Variants in CREB5 observed in about 807,000 individuals in gnomAD.
CREB5 encodes the protein cyclic AMP-responsive element-binding protein 5.
CREB5 carries 19 observed loss-of-function variants against 57.1 expected under a neutral mutation model. The ratio of observed to expected loss-of-function variants is 0.33; its 90% confidence interval spans 0.23 to 0.49. The LOEUF is 0.49. Ranked by LOEUF, CREB5 falls within the 20% of genes least tolerant of loss-of-function variation. CREB5 has a pLI of 0.99. For synonymous variants in CREB5, 238 were observed against 238.3 expected (o/e 1.00, Z 0.01); for missense variants, 579 against 671.6 (o/e 0.86, Z 1.52).
chr7:28,816,867 C>A (rs1196534763), intron 9 of CREB5, among the ~76,000 whole-genome samples: 1 of 152,160 alleles, frequency 6.6e-6, no homozygotes, highest in South Asian at 2.1e-4. Context: ...CACAAATAAA[C>A]CTTGACCAAA....
chr7:28,693,052 G>A (rs1801356092), intron 5 of CREB5, among the ~76,000 whole-genome samples: 1 of 152,210 alleles, frequency 6.6e-6, no homozygotes, highest in African/African-American at 2.4e-5. Context: ...TGGGACAGTA[G>A]TTAGACAATA....
intron 1 of CREB5, among the ~76,000 whole-genome samples, chr7:28,367,561 G>A (rs902680148): frequency 6.8e-4 from 103 of 152,272 alleles, no homozygotes; most frequent in African/African-American, 2.4e-5. Context: ...TGTAATCCCA[G>A]CACTTTGGGA....
chr7:28,505,366 T>A (rs578102033), intron 3 of CREB5, among the ~76,000 whole-genome samples: 2 of 152,362 alleles, frequency 1.3e-5, no homozygotes, highest in East Asian at 1.9e-4. Flanking sequence ...CTGTTACTTA[T>A]GTTCCCATTT....
intron 7 of CREB5, among the ~76,000 whole-genome samples, chr7:28,784,495 T>A (rs75317469): frequency 9.6e-6 from 1 of 103,932 alleles, no homozygotes. Flanking sequence ...AGCTATAGGA[T>A]TTTTTTTTCC....
chr7:28,823,712 A>C lies in CREB5; in HGVS notation c.*4433A>C, dbSNP rs556323217. 6.6e-6 allele frequency: 1 copy of C among 152,424 alleles called. No individual in the cohort carries two copies. Among genetic ancestry groups the C allele is most frequent in the African/African-American group, 2.4e-5 (1 of 41,576 alleles). The allele number at this position is 152,424 out of a possible 1,614,324, so 9.4% of individuals were successfully genotyped here. A position where few individuals can be genotyped will look rare whatever the true frequency, so the allele number is the denominator to read the frequency against. Reference sequence around the variant, plus strand: ...CTTGTAGAAGTGTAAAAACAGCTTCATCTCTGCCTCTCTCCACCCCACCCC... The same window carrying C: ...CTTGTAGAAGTGTAAAAACAGCTTCCTCTCTGCCTCTCTCCACCCCACCCC... On this transcript the variant is annotated 3_prime_UTR_variant, in exon 11 of 11. Transcript: ENST00000357727.
chr7:28,690,162 T>C (rs1244484891), intron 5 of CREB5, among the ~76,000 whole-genome samples: 1 of 152,118 alleles, frequency 6.6e-6, no homozygotes, highest in Non-Finnish European at 1.5e-5. Flanking sequence ...TGACTGTGTT[T>C]TACCTTCCCT....
intron 3 of CREB5, among the ~76,000 whole-genome samples, chr7:28,500,414 C>A (rs1583544031): frequency 6.6e-6 from 1 of 152,310 alleles, no homozygotes; most frequent in East Asian, 1.9e-4. Flanking sequence ...TGAAGAGAGG[C>A]AGGAAAGACT....
intron 5 of CREB5, among the ~76,000 whole-genome samples, chr7:28,620,660 C>T (rs1034716112): frequency 1.5e-4 from 23 of 152,138 alleles, no homozygotes; most frequent in African/African-American, 5.3e-4. Context: ...GCCTCAGGCT[C>T]GCCCCATTTT....
intron 5 of CREB5, among the ~76,000 whole-genome samples, chr7:28,607,793 G>T (rs1043099266): frequency 8.1e-6 from 1 of 123,002 alleles, no homozygotes; most frequent in African/African-American, 3.2e-5. Context: ...GTGTGTGTGT[G>T]TTTTACCATG....
intron 8 of CREB5, among the ~76,000 whole-genome samples, chr7:28,807,825 G>C (rs1808836896): frequency 1.3e-5 from 2 of 152,122 alleles, no homozygotes; most frequent in South Asian, 2.1e-4. Context: ...AATGAAGAAG[G>C]AGGAAGGAGT....
chr7:28,671,492 G>A (rs1045711879), intron 5 of CREB5, among the ~76,000 whole-genome samples: 1 of 152,184 alleles, frequency 6.6e-6, no homozygotes, highest in Admixed American at 6.5e-5. Context: ...TAATTTTTCA[G>A]ACTGGGGAGA....
At chr7:28,686,345 C>G (rs569696879) in intron 5 of CREB5, 6 of 643,238 alleles carry the variant, frequency 9.3e-6, no homozygotes, top group Admixed American at 2.6e-5. Flanking sequence ...TTCTCCTCTT[C>G]TTCCTTCTCC....
chr7:28,410,234 G>A (rs1175259440), upstream of CREB5: 1 of 454,360 alleles, frequency 2.2e-6, no homozygotes, highest in Non-Finnish European at 4.4e-6. Context: ...AGAGCGGCGA[G>A]GCTCCGTCCG....
intron 1 of CREB5, among the ~76,000 whole-genome samples, chr7:28,331,878 T>C (rs189709378): frequency 6.6e-6 from 1 of 150,740 alleles, no homozygotes; most frequent in African/African-American, 2.4e-5. Context: ...GCTTCTTTCA[T>C]ATCTTATTTT....
chr7:28,371,361 C>T (rs1786701022), intron 1 of CREB5, among the ~76,000 whole-genome samples: 2 of 152,004 alleles, frequency 1.3e-5, no homozygotes, highest in Non-Finnish European at 2.9e-5. Flanking sequence ...TGGTGGCAGG[C>T]ACCTGTAATC....
intron 4 of CREB5, among the ~76,000 whole-genome samples, chr7:28,540,387 TTAGA>T (rs1794158261): frequency 1.3e-5 from 2 of 152,004 alleles, no homozygotes; most frequent in South Asian, 4.1e-4. Flanking sequence ...AAGTTTTGAG[TTAGA>T]TTGAGGAGGG....
chr7:28,638,241 TG>T (rs1208788037), intron 5 of CREB5, among the ~76,000 whole-genome samples: 11 of 143,046 alleles, frequency 7.7e-5, no homozygotes, highest in African/African-American at 2.9e-4. Context: ...TCATTCAAAT[TG>T]CTATCTTAAA....
chr7:28,713,943 A>G (rs981764894), intron 5 of CREB5, among the ~76,000 whole-genome samples: 1 of 151,634 alleles, frequency 6.6e-6, no homozygotes, highest in African/African-American at 2.4e-5. Flanking sequence ...TTCGATATCT[A>G]TGGTCTGTTA....
intron 5 of CREB5, among the ~76,000 whole-genome samples, chr7:28,624,998 A>ATTT: frequency 7.2e-6 from 1 of 138,390 alleles, no homozygotes. Flanking sequence ...ACCATGTTGG[A>ATTT]TTTTTTTTTT....
Sources: allele counts gnomAD v4.1 joint callset (sites outside exome capture counted in the v4.1 genomes callset), GRCh38; gene constraint gnomAD v4.1.1; transcripts MANE v1.5; gene names NCBI Gene and HGNC (gene_info 2026-07-23, HGNC 2026-07-21).